DGKK: variants seen among roughly 807,000 people sequenced by gnomAD.
DGKK encodes 142 kDa diacylglycerol kinase.
DGKK carries 35 observed loss-of-function variants against 92.2 expected under a neutral mutation model. The ratio of observed to expected loss-of-function variants is 0.38; its 90% CI spans 0.29 to 0.50. The LOEUF (loss-of-function observed/expected upper bound fraction) is 0.50. Ranked by LOEUF, DGKK falls within the 20% of genes least tolerant of loss-of-function variation. DGKK has a pLI of 0.92. For missense variants in DGKK, 910 were observed against 992.2 expected, an observed-to-expected ratio of 0.92 and a Z score of 1.11; for synonymous variants, 368 against 360.6, an observed-to-expected ratio of 1.02 and a Z score of -0.23.
In DGKK at chrX:50,403,177, G is replaced by T. The variant is rs782106489; in HGVS notation, c.1192C>A (p.Pro398Thr). Residue 398 changes from proline (P) to threonine (T), a missense_variant, in exon 7 of 28, where the codon CCC (proline) becomes ACC (threonine). Transcript: ENST00000611977. ...ATGTTTCCTTCTACCCATTGATGGG[G>T]CATGTTCTGCAGAAGGGTAAAAAGA... Reference protein sequence around the residue: ...LLLPADEVNMPHQWVEGNMPV... With the variant: ...LLLPADEVNMTHQWVEGNMPV... 1 of 1,191,144 alleles carries T rather than the reference G, an allele frequency of 8.4e-7. No homozygotes were observed. Among genetic ancestry groups the T allele is most frequent in the Non-Finnish European group, 1.1e-6 (1 of 883,705 alleles).
At chrX:50,379,510 G>A (rs1557224197) in intron 20 of DGKK, 117 bp downstream of exon 20, 5 of 587,579 alleles carry the variant, frequency 8.5e-6, no homozygotes, top group South Asian at 5.9e-5. Context: ...AAGGTTCTCG[G>A]ACCACCTCCT....
At position 50,404,116 on chromosome X, in the gene DGKK, C is replaced by A; in HGVS notation, c.1011G>T (p.Arg337=). ...MHCWYSSYSH[R]TQHCNVCRES... ...CTCGACAAACATTGCAGTGCTGGGT[C>A]CGGTGGCTGTAACTGGAGTACCAAC... Residue 337 remains arginine, a synonymous_variant, in exon 5 of 28, where the codon CGG becomes CGT. Transcript: ENST00000611977. The A allele has an allele frequency of 8.3e-7, 1 of 1,210,456 alleles. No individual in the cohort carries two copies. The highest frequency in any genetic ancestry group is 1.1e-6 in the Non-Finnish European group (1 of 894,987).
At chrX:50,452,378 A>C (rs1347242705) in intron 1 of DGKK, among the ~76,000 whole-genome samples, 1 of 112,373 alleles carries the variant, frequency 8.9e-6, no homozygotes, top group Non-Finnish European at 1.9e-5. Flanking sequence ...TTCTTCTTTC[A>C]TATAATCTAG....
At chrX:50,379,571 A>C in intron 20 of DGKK, 56 bp downstream of exon 20, 2 of 999,741 alleles carry the variant, frequency 2.0e-6, no homozygotes, top group Non-Finnish European at 1.4e-6. Flanking sequence ...CTTCCTTCAG[A>C]GAGACCTTAG....
At chrX:50,467,863 G>A (rs1569545306) in intron 1 of DGKK, among the ~76,000 whole-genome samples, 1 of 112,524 alleles carries the variant, frequency 8.9e-6, no homozygotes, top group South Asian at 3.7e-4. Flanking sequence ...TTTAATTTGA[G>A]CACGTACCTA....
chrX:50,393,223 G>C lies in DGKK; in HGVS notation c.1524C>G (p.Phe508Leu). 1 of 1,210,067 alleles carries C rather than the reference G, an allele frequency of 8.3e-7. No homozygotes were observed. Residue 508 changes from phenylalanine to leucine, a missense_variant, in exon 9 of 28, where the codon TTC becomes TTG. Phe to Leu is a conservative substitution (Grantham distance 22). Coordinates refer to ENST00000611977, the MANE Select transcript of DGKK (RefSeq NM_001013742.4). ...TAAGGTATTGCTTGAATTTTCGGAGGAAGACGATCCCCTGATGATCGCCAC... is the reference window on the plus strand; with the variant it reads ...TAAGGTATTGCTTGAATTTTCGGAGCAAGACGATCCCCTGATGATCGCCAC... ...SKSGDHQGIV[F>L]LRKFKQYLNP...
At chrX:50,409,373 A>AAAT (rs1925252211) in intron 4 of DGKK, among the ~76,000 whole-genome samples, 1 of 110,862 alleles carries the variant, frequency 9.0e-6, no homozygotes. Flanking sequence ...GGCCCTGTTG[A>AAAT]CATGTTGATT....
chrX:50,425,187 C>A (rs1397886350), intron 1 of DGKK, among the ~76,000 whole-genome samples: 1 of 111,755 alleles, frequency 8.9e-6, no homozygotes, highest in East Asian at 2.8e-4. Flanking sequence ...AAAATCACCA[C>A]ATCAAGGCTC....
chrX:50,381,142 C>T (rs1302739613), intron 18 of DGKK, among the ~76,000 whole-genome samples: 2 of 111,776 alleles, frequency 1.8e-5, no homozygotes, highest in African/African-American at 3.3e-5. Context: ...GGTGCCAACA[C>T]GATTCACTGG....
chrX:50,391,432 CT>C lies in DGKK; in HGVS notation c.1844+4del. ...GCACAAGGGCCTGGTCTTTCAGCCACTTACCTGTCTAGGATCCTCACACTAG... is the reference window on the plus strand; with the variant it reads ...GCACAAGGGCCTGGTCTTTCAGCCACTACCTGTCTAGGATCCTCACACTAG... On this transcript the variant is annotated splice_donor_region_variant and intron_variant, in intron 11 of 27. Transcript: ENST00000611977. 1 of 1,210,185 alleles carries C rather than the reference CT, an allele frequency of 8.3e-7. No individual in the cohort carries two copies. The highest frequency in any genetic ancestry group is 3.0e-5 in the East Asian group (1 of 33,805).
chrX:50,441,538 T>C (rs1443842596), intron 1 of DGKK, among the ~76,000 whole-genome samples: 3 of 111,729 alleles, frequency 2.7e-5, no homozygotes, highest in Non-Finnish European at 3.8e-5. Flanking sequence ...TTTTACTGTA[T>C]GGAAAAAAAG....
At chrX:50,388,477 T>G (rs781973635) in intron 13 of DGKK, 50 bp downstream of exon 13, 11 of 981,542 alleles carry the variant, frequency 1.1e-5, no homozygotes, top group African/African-American at 1.9e-5. Context: ...ATGAGCCCCA[T>G]GTCTGACCTG....
At chrX:50,382,400 T>C in intron 18 of DGKK, 96 bp downstream of exon 18, 2 of 637,414 alleles carry the variant, frequency 3.1e-6, no homozygotes, top group Non-Finnish European at 4.6e-6. Flanking sequence ...GGTCCCTTTC[T>C]TTCTGTTGCT....
intron 1 of DGKK, among the ~76,000 whole-genome samples, chrX:50,464,427 A>G (rs1228897957): frequency 9.1e-6 from 1 of 110,082 alleles, no homozygotes; most frequent in Non-Finnish European, 1.9e-5. Flanking sequence ...GAGATTTGGT[A>G]TAGTCAGGGA....
chrX:50,427,276 C>A (rs376238859), intron 1 of DGKK, among the ~76,000 whole-genome samples: 4 of 110,771 alleles, frequency 3.6e-5, no homozygotes, highest in African/African-American at 1.3e-4. Context: ...TATATCAATA[C>A]AACTACATGA....
chrX:50,391,288 G>T, intron 11 of DGKK, 149 bp downstream of exon 11: 3 of 732,842 alleles, frequency 4.1e-6, no homozygotes, highest in Non-Finnish European at 5.8e-6. Flanking sequence ...CAAGAGACAA[G>T]CCCCACCCAA....
intron 1 of DGKK, among the ~76,000 whole-genome samples, chrX:50,455,329 T>C (rs781807111): frequency 8.9e-6 from 1 of 112,258 alleles, no homozygotes; most frequent in Admixed American, 9.4e-5. Flanking sequence ...TATCTGTATC[T>C]ATCTATGTCT....
At chrX:50,384,295 G>A (rs1557224731) in intron 16 of DGKK, 31 bp from the exon 17 acceptor site, 2 of 1,028,810 alleles carry the variant, frequency 1.9e-6, no homozygotes, top group Non-Finnish European at 2.6e-6. Context: ...TTGGGTGACG[G>A]ATACAAACAA....
chrX:50,390,226 A>T (rs1557225387), intron 12 of DGKK, 102 bp downstream of exon 12: 1 of 741,456 alleles, frequency 1.3e-6, no homozygotes. Flanking sequence ...CAATGATCTC[A>T]TCCTCATCCA....
Sources: allele counts gnomAD v4.1 joint callset (sites outside exome capture counted in the v4.1 genomes callset), GRCh38; gene constraint gnomAD v4.1.1; transcripts MANE v1.5; gene names NCBI Gene and HGNC (gene_info 2026-07-23, HGNC 2026-07-21).